NCAM2: variants seen among roughly 807,000 people sequenced by gnomAD.
NCAM2 encodes the protein N-CAM-2.
NCAM2 carries 30 observed loss-of-function variants against 98.1 expected under a neutral mutation model. That is an observed-to-expected ratio of 0.31 (90% confidence interval 0.23 to 0.41). The LOEUF (loss-of-function observed/expected upper bound fraction) is 0.41. NCAM2 is among the 10% of genes least tolerant of loss of function. The pLI is 1.00. For synonymous variants in NCAM2, 368 were observed against 342.4 expected (o/e 1.07, Z -0.83); for missense variants, 867 against 1,005.8 (o/e 0.86, Z 1.87).
At chr21:21,035,431 C>CAT (rs1457465415) in intron 1 of NCAM2, among the ~76,000 whole-genome samples, 2 of 152,050 alleles carry the variant, frequency 1.3e-5, no homozygotes, top group Non-Finnish European at 2.9e-5. Context: ...ATACTTTACC[C>CAT]AATTGCTATA....
Position 21,415,397 on chromosome 21 carries a change from G to A in NCAM2, c.1384-3076G>A, listed in dbSNP as rs536110223. Among the ~76,000 whole-genome samples, 113 of 137,540 alleles carry A rather than the reference G, an allele frequency of 8.2e-4. 1 individual carries two copies. The highest frequency in any genetic ancestry group is 2.6e-3 in the Admixed American group (32 of 12,516). 90.2% of individuals were successfully genotyped at this position (137,540 alleles called of 152,430 possible). On this transcript the variant is annotated intron_variant, in intron 10 of 17. Coordinates refer to ENST00000400546, the MANE Select transcript of NCAM2 (RefSeq NM_004540.5). ...TCTGTCGCCCAGGCTGTGTAGTGGC[G>A]CGATCTCGGCTCAGTGCAAGCTCTG...
At chr21:21,165,585 T>C (rs941964137) in intron 1 of NCAM2, among the ~76,000 whole-genome samples, 9 of 152,190 alleles carry the variant, frequency 5.9e-5, no homozygotes, top group Admixed American at 5.2e-4. Context: ...ACCAATTCTT[T>C]CTTTGGAATG....
At chr21:21,122,315 A>T (rs1298271588) in intron 1 of NCAM2, among the ~76,000 whole-genome samples, 1 of 152,144 alleles carries the variant, frequency 6.6e-6, no homozygotes, top group Non-Finnish European at 1.5e-5. Context: ...AATATGGAAA[A>T]AGTGTTCCAG....
Position 21,286,234 on chromosome 21 carries a change from TGTGATTTG to T in NCAM2, c.338-34_338-27del, listed in dbSNP as rs2073095572. The T allele has an allele frequency of 2.6e-6, 4 of 1,539,852 alleles. No homozygotes were observed. In the East Asian group the frequency reaches 9.7e-5, roughly 38 times the overall value. On this transcript the variant is annotated intron_variant, in intron 3 of 17. Coordinates refer to ENST00000400546, the MANE Select transcript of NCAM2 (RefSeq NM_004540.5). ...AATAAGCAATGATACTTTTGTGATT[TGTGATTTG>T]TGATTTGTTTTACTTTGTTGATACA...
At chr21:21,136,639 T>TGTTTTTG (rs2067059799) in intron 1 of NCAM2, among the ~76,000 whole-genome samples, 4 of 76,870 alleles carry the variant, frequency 5.2e-5, no homozygotes, top group East Asian at 4.2e-4. Context: ...TGTTTTTTTT[T>TGTTTTTG]TTATTTTTAG....
chr21:21,317,927 A>G (rs1352980057), intron 5 of NCAM2, among the ~76,000 whole-genome samples: 1 of 152,212 alleles, frequency 6.6e-6, no homozygotes, highest in African/African-American at 2.4e-5. Context: ...GGTTGACATA[A>G]AACAGGTGAA....
Position 21,219,520 on chromosome 21 carries a change from T to A in NCAM2, c.56-61058T>A, listed in dbSNP as rs1355955317. 3.3e-5 allele frequency among the ~76,000 whole-genome samples: 5 copies of A among 152,352 alleles called. No homozygotes were observed. The South Asian group carries it at 6.2e-4, about 19-fold the overall frequency. On this transcript the variant is annotated intron_variant, in intron 1 of 17. Transcript: ENST00000400546. ...TTTATTACATCATGGTGAAAACACA[T>A]TATTCATGTGTTTGTGATGATGCTG...
intron 1 of NCAM2, among the ~76,000 whole-genome samples, chr21:21,075,365 A>G (rs1019498332): frequency 1.3e-5 from 2 of 152,170 alleles, no homozygotes; most frequent in African/African-American, 4.8e-5. Flanking sequence ...ACAAAGAAAT[A>G]CAGTTCATTT....
intron 16 of NCAM2, among the ~76,000 whole-genome samples, chr21:21,524,348 A>T (rs1391620572): frequency 2.6e-5 from 4 of 151,950 alleles, no homozygotes; most frequent in Non-Finnish European, 5.9e-5. Context: ...AATACAACTT[A>T]ATGAGAAATA....
chr21:21,260,053 A>G (rs2071834431), intron 1 of NCAM2, among the ~76,000 whole-genome samples: 1 of 151,800 alleles, frequency 6.6e-6, no homozygotes. Flanking sequence ...ATTTCAAAAT[A>G]AAAGTGGAAT....
chr21:21,318,248 C>G (rs2074275943), intron 5 of NCAM2, among the ~76,000 whole-genome samples: 1 of 152,086 alleles, frequency 6.6e-6, no homozygotes, highest in Admixed American at 6.6e-5. Flanking sequence ...AATTAACTTT[C>G]AAGAATTAAA....
intron 1 of NCAM2, among the ~76,000 whole-genome samples, chr21:21,217,650 A>G (rs1471542341): frequency 6.6e-6 from 1 of 152,160 alleles, no homozygotes; most frequent in Non-Finnish European, 1.5e-5. Flanking sequence ...TCAATAATTG[A>G]TTTTAAACTA....
chr21:21,333,661 T>C (rs2074775852), intron 6 of NCAM2, among the ~76,000 whole-genome samples: 1 of 152,170 alleles, frequency 6.6e-6, no homozygotes, highest in South Asian at 2.1e-4. Flanking sequence ...GGAGTAGAGA[T>C]ATACACATAC....
At chr21:21,431,990 TA>T in intron 11 of NCAM2, 117 bp from the exon 12 acceptor site, 1 of 787,624 alleles carries the variant, frequency 1.3e-6, no homozygotes, top group South Asian at 2.9e-5. Context: ...AACTCGAACA[TA>T]TTAAGTGATA....
chr21:21,297,851 A>G (rs2073548531), intron 5 of NCAM2, among the ~76,000 whole-genome samples: 1 of 151,876 alleles, frequency 6.6e-6, no homozygotes, highest in Non-Finnish European at 1.5e-5. Context: ...TTATTATTTT[A>G]TGAATATTTT....
intron 1 of NCAM2, among the ~76,000 whole-genome samples, chr21:21,272,934 TCACACACACACA>T (rs61235726): frequency 1.6e-5 from 2 of 124,788 alleles, no homozygotes; most frequent in Non-Finnish European, 3.3e-5. Context: ...GGACATGCAT[TCACACACACACA>T]CACACACACA....
chr21:21,031,490 G>A (rs947810201), intron 1 of NCAM2, among the ~76,000 whole-genome samples: 1 of 151,980 alleles, frequency 6.6e-6, no homozygotes, highest in Non-Finnish European at 1.5e-5. Flanking sequence ...TGAGCTATTG[G>A]CCTTCTGATT....
chr21:21,088,473 A>G (rs183305759), intron 1 of NCAM2, among the ~76,000 whole-genome samples: 8 of 152,358 alleles, frequency 5.3e-5, no homozygotes, highest in Non-Finnish European at 1.2e-4. Flanking sequence ...ATGAATTAAA[A>G]ACATGATGCC....
At chr21:21,251,329 C>A (rs1388913000) in intron 1 of NCAM2, among the ~76,000 whole-genome samples, 2 of 151,670 alleles carry the variant, frequency 1.3e-5, no homozygotes, top group East Asian at 1.9e-4. Flanking sequence ...CCTTGCCCCC[C>A]ACCCCCTGTG....
Sources: allele counts gnomAD v4.1 joint callset (sites outside exome capture counted in the v4.1 genomes callset), GRCh38; gene constraint gnomAD v4.1.1; transcripts MANE v1.5; gene names NCBI Gene and HGNC (gene_info 2026-07-23, HGNC 2026-07-21).